TEX36: variants seen among roughly 807,000 people sequenced by gnomAD.
TEX36 encodes testis expressed 36.
Under a neutral mutation model 13.6 loss-of-function variants are expected in TEX36, and 12 were observed. The observed-to-expected ratio is 0.88, with a 90% CI of 0.56 to 1.43. The LOEUF (loss-of-function observed/expected upper bound fraction) is 1.43, where lower values mean the gene tolerates loss of function less well. Among genes scored for constraint, TEX36 ranks in the 40% most tolerant of loss-of-function variants. The pLI is 0.00. For synonymous variants in TEX36, 93 were observed against 83.0 expected (o/e 1.12, Z -0.65); for missense variants, 224 against 228.3 (o/e 0.98, Z 0.12).
At chr10:125,678,118 C>T (rs1001513489) in intron 1 of TEX36, among the ~76,000 whole-genome samples, 4 of 152,192 alleles carry the variant, frequency 2.6e-5, no homozygotes, top group Non-Finnish European at 5.9e-5. Flanking sequence ...CCTTACATTG[C>T]TATCTGCACA....
chr10:125,644,506 T>C (rs546719778), intron 3 of TEX36, among the ~76,000 whole-genome samples: 3 of 152,352 alleles, frequency 2.0e-5, no homozygotes, highest in African/African-American at 7.2e-5. Flanking sequence ...TCAGACATGA[T>C]TAGCTAATTA....
intron 1 of TEX36, among the ~76,000 whole-genome samples, chr10:125,675,368 G>T (rs1847294923): frequency 1.3e-5 from 2 of 151,938 alleles, no homozygotes; most frequent in African/African-American, 4.8e-5. Context: ...GATGACAGCT[G>T]CCCCTCTCCT....
At chr10:125,657,232 G>A (rs530816339) in intron 3 of TEX36, among the ~76,000 whole-genome samples, 8 of 152,176 alleles carry the variant, frequency 5.3e-5, no homozygotes, top group Non-Finnish European at 8.8e-5. Flanking sequence ...GGAGATGCAA[G>A]CCACATTCCA....
intron 3 of TEX36, among the ~76,000 whole-genome samples, chr10:125,580,648 A>G (rs750484366): frequency 6.6e-6 from 1 of 152,218 alleles, no homozygotes; most frequent in African/African-American, 2.4e-5. Flanking sequence ...GAAGCCCGCT[A>G]GGTGGGCTGG....
chr10:125,682,881 A>T, intron 1 of TEX36, 58 bp downstream of exon 1: 1 of 1,535,956 alleles, frequency 6.5e-7, no homozygotes, highest in Non-Finnish European at 8.8e-7. Flanking sequence ...AACTCCTCAG[A>T]CTGTTGACCA....
intron 3 of TEX36, among the ~76,000 whole-genome samples, chr10:125,598,687 T>C (rs1846109540): frequency 6.6e-6 from 1 of 152,234 alleles, no homozygotes; most frequent in South Asian, 2.1e-4. Context: ...TGGAGATTTT[T>C]AGAGACCCAG....
At chr10:125,667,587 C>G in intron 1 of TEX36, 2 of 734,732 alleles carry the variant, frequency 2.7e-6, no homozygotes, top group Non-Finnish European at 5.1e-6. Flanking sequence ...GTGGTGGTCT[C>G]GCCATTTGTC....
At chr10:125,617,923 C>A (rs1300837185), downstream of TEX36, among the ~76,000 whole-genome samples, 11 of 152,192 alleles carry the variant, frequency 7.2e-5, no homozygotes, top group Admixed American at 7.2e-4. Flanking sequence ...TTCAGGTACA[C>A]CAATCAGATG....
chr10:125,649,245 C>T (rs1270684164), intron 3 of TEX36, among the ~76,000 whole-genome samples: 1 of 152,202 alleles, frequency 6.6e-6, no homozygotes, highest in African/African-American at 2.4e-5. Context: ...ATGTTAAGGG[C>T]AGCCAGAGAG....
chr10:125,679,951 T>G (rs769231623), intron 1 of TEX36, among the ~76,000 whole-genome samples: 2 of 152,190 alleles, frequency 1.3e-5, no homozygotes, highest in Non-Finnish European at 2.9e-5. Flanking sequence ...TATGATCACA[T>G]ACAAACACCT....
At chr10:125,646,135 C>G (rs1846764117) in intron 3 of TEX36, among the ~76,000 whole-genome samples, 2 of 152,072 alleles carry the variant, frequency 1.3e-5, no homozygotes, top group Admixed American at 6.6e-5. Context: ...TTGAGACCAT[C>G]TGGGCAACAT....
chr10:125,591,906 G>C (rs973416388), intron 3 of TEX36, among the ~76,000 whole-genome samples: 6 of 152,118 alleles, frequency 3.9e-5, no homozygotes, highest in Admixed American at 3.9e-4. Context: ...GTCTGTGAGC[G>C]TTCATTTCTG....
In TEX36 at chr10:125,625,675, C is replaced by T. The variant is rs117475916; in HGVS notation, c.265-4030G>A. 9.3e-3 allele frequency among the ~76,000 whole-genome samples: 1,413 copies of T among 152,330 alleles called. 11 individuals carry two copies. Among genetic ancestry groups the T allele is most frequent in the Middle Eastern group, 0.034 (10 of 294 alleles). ...CATAGATATAGAACCATAAATATGT[C>T]ATACGTGTTCAACTAGATGCAACCT... On this transcript the variant is annotated intron_variant, in intron 3 of 3. Coordinates refer to the TEX36 transcript ENST00000526819.
chr10:125,671,651 G>T (rs1240486018), intron 1 of TEX36, among the ~76,000 whole-genome samples: 1 of 152,190 alleles, frequency 6.6e-6, no homozygotes, highest in Non-Finnish European at 1.5e-5. Context: ...CTCATAAAAT[G>T]AGTTAGGAAG....
intron 3 of TEX36, among the ~76,000 whole-genome samples, chr10:125,635,245 C>T (rs1032696806): frequency 1.3e-5 from 2 of 152,178 alleles, no homozygotes; most frequent in African/African-American, 4.8e-5. Flanking sequence ...ATGCCTCACC[C>T]ATTAGCCATT....
At chr10:125,665,705 T>C (rs1052717716) in intron 1 of TEX36, among the ~76,000 whole-genome samples, 2 of 152,208 alleles carry the variant, frequency 1.3e-5, no homozygotes, top group Admixed American at 6.5e-5. Context: ...TTTTATTCCA[T>C]ATGAATTTTA....
At chr10:125,667,695 G>A in intron 1 of TEX36, 2 of 740,770 alleles carry the variant, frequency 2.7e-6, no homozygotes, top group East Asian at 2.5e-5. Context: ...TCCTTCTTCT[G>A]GTAGAGTGTC....
chr10:125,630,025 A>G (rs1283494409), intron 3 of TEX36, among the ~76,000 whole-genome samples: 1 of 152,198 alleles, frequency 6.6e-6, no homozygotes, highest in Admixed American at 6.5e-5. Context: ...CAATATTCCA[A>G]GTGGCTGTCT....
At chr10:125,603,456 C>T (rs1323638892) in intron 3 of TEX36, among the ~76,000 whole-genome samples, 1 of 152,102 alleles carries the variant, frequency 6.6e-6, no homozygotes, top group African/African-American at 2.4e-5. Context: ...TGGTCCTTGC[C>T]CCCGCCACCC....
Sources: gnomAD v4.1 joint callset for allele counts (sites outside exome capture counted in the v4.1 genomes callset) on GRCh38, gnomAD v4.1.1 for gene constraint, MANE v1.5 for transcripts, NCBI Gene and HGNC (gene_info 2026-07-23, HGNC 2026-07-21) for gene names.